Variants in IFT80 observed in about 807,000 individuals in gnomAD.
IFT80 encodes the protein intraflagellar transport protein 80 homolog.
IFT80 carries 79 observed loss-of-function variants against 107.9 expected under a neutral mutation model. The observed-to-expected ratio is 0.73, with a 90% CI of 0.61 to 0.88. IFT80 has a LOEUF of 0.88. IFT80 is among the 40% of genes least tolerant of loss of function. The pLI, the probability that IFT80 is intolerant of heterozygous loss-of-function variation, is 0.00. For missense variants in IFT80, 797 were observed against 914.2 expected, an observed-to-expected ratio of 0.87 and a Z score of 1.65; for synonymous variants, 299 against 300.9, an observed-to-expected ratio of 0.99 and a Z score of 0.07.
chr3:160,317,515 A>G (rs989412606), intron 9 of IFT80, among the ~76,000 whole-genome samples: 1 of 152,058 alleles, frequency 6.6e-6, no homozygotes, highest in Non-Finnish European at 1.5e-5. Flanking sequence ...ATTAAGGCTA[A>G]AACTTATTTT....
intron 5 of IFT80, among the ~76,000 whole-genome samples, chr3:160,371,596 C>T (rs1576884960): frequency 6.6e-6 from 1 of 152,084 alleles, no homozygotes; most frequent in African/African-American, 2.4e-5. Flanking sequence ...GGATGCACCA[C>T]TATGCCCGGC....
intron 8 of IFT80, among the ~76,000 whole-genome samples, chr3:160,320,831 C>G (rs954241093): frequency 1.3e-5 from 2 of 151,684 alleles, no homozygotes; most frequent in African/African-American, 4.8e-5. Context: ...TTATTAGCTA[C>G]AGGCTCACTT....
At chr3:160,285,747 G>GAAAAGGA in intron 13 of IFT80, 57 bp downstream of exon 13, 1 of 1,115,974 alleles carries the variant, frequency 9.0e-7, no homozygotes, top group Admixed American at 2.0e-5. Flanking sequence ...CATTAATTTT[G>GAAAAGGA]AAAAGGAAAT....
At chr3:160,335,415 T>G (rs2108324543) in intron 8 of IFT80, among the ~76,000 whole-genome samples, 1 of 151,980 alleles carries the variant, frequency 6.6e-6, no homozygotes, top group East Asian at 1.9e-4. Flanking sequence ...AGAGACGGGG[T>G]TTTGCCATGT....
At chr3:160,368,069 G>A (rs1721991630) in intron 5 of IFT80, among the ~76,000 whole-genome samples, 1 of 151,820 alleles carries the variant, frequency 6.6e-6, no homozygotes, top group African/African-American at 2.4e-5. Flanking sequence ...ACGAATCAAT[G>A]AATAAATGAA....
At chr3:160,375,779 T>C in intron 5 of IFT80, 33 bp downstream of exon 5, 2 of 1,494,532 alleles carry the variant, frequency 1.3e-6, no homozygotes, top group Non-Finnish European at 9.3e-7. Flanking sequence ...TTGTATAATT[T>C]GCAAAAATGA....
chr3:160,287,434 G>C (rs374022786), intron 12 of IFT80, among the ~76,000 whole-genome samples: 1 of 152,152 alleles, frequency 6.6e-6, no homozygotes, highest in East Asian at 1.9e-4. Flanking sequence ...TTAACTCCGG[G>C]TAGTGTAGAA....
intron 1 of IFT80, among the ~76,000 whole-genome samples, chr3:160,386,521 C>T (rs1477623296): frequency 6.6e-6 from 1 of 152,110 alleles, no homozygotes; most frequent in Non-Finnish European, 1.5e-5. Flanking sequence ...CATGTCTTTG[C>T]TACTAAAAAT....
intron 9 of IFT80, among the ~76,000 whole-genome samples, chr3:160,318,024 CAG>C (rs1717942114): frequency 6.6e-6 from 1 of 151,086 alleles, no homozygotes; most frequent in Non-Finnish European, 1.5e-5. Flanking sequence ...TATATTAAAA[CAG>C]AGTCCTTATC....
At chr3:160,394,621 C>T (rs369992444) in intron 1 of IFT80, among the ~76,000 whole-genome samples, 46 of 152,092 alleles carry the variant, frequency 3.0e-4, no homozygotes, top group African/African-American at 5.3e-4. Flanking sequence ...TGGTGGCGGG[C>T]GCCTATAATC....
chr3:160,270,838 ATTCT>A (rs1236250881), intron 18 of IFT80, among the ~76,000 whole-genome samples: 1 of 152,086 alleles, frequency 6.6e-6, no homozygotes, highest in Non-Finnish European at 1.5e-5. Context: ...TCCATCTCCC[ATTCT>A]TTCTTTATGA....
In IFT80 at chr3:160,258,478, C is replaced by T; in HGVS notation, c.*47G>A. 6.2e-7 allele frequency: 1 copy of T among 1,611,340 alleles called. No homozygotes were observed. The highest frequency in any genetic ancestry group is 1.3e-5 in the African/African-American group (1 of 74,966). On this transcript the variant is annotated 3_prime_UTR_variant, in exon 20 of 20. Coordinates refer to ENST00000326448, the MANE Select transcript of IFT80 (RefSeq NM_020800.3). ...CAAAACATGCTTACCCTTGGTTAAT[C>T]AGAACGTGTTTCAAAAGATAAAATT...
At chr3:160,308,291 G>T (rs541999684) in intron 9 of IFT80, among the ~76,000 whole-genome samples, 1 of 152,252 alleles carries the variant, frequency 6.6e-6, no homozygotes, top group African/African-American at 2.4e-5. Flanking sequence ...CCAAGCTGCA[G>T]GGAGTGGGGA....
chr3:160,344,862 T>C (rs1720172210), intron 8 of IFT80, among the ~76,000 whole-genome samples: 1 of 152,146 alleles, frequency 6.6e-6, no homozygotes, highest in Non-Finnish European at 1.5e-5. Context: ...TCATTGAGCA[T>C]CAGAGAAATG....
intron 12 of IFT80, among the ~76,000 whole-genome samples, chr3:160,296,508 T>C (rs1274426824): frequency 1.3e-5 from 2 of 151,634 alleles, no homozygotes; most frequent in Non-Finnish European, 2.9e-5. Context: ...ATCCCCACTT[T>C]CTCCTGCACC....
At chr3:160,377,851 T>G in intron 3 of IFT80, 1 of 181,180 alleles carries the variant, frequency 5.5e-6, no homozygotes, top group South Asian at 1.4e-4. Flanking sequence ...TGGGTATATG[T>G]CTATGCTTCA....
intron 12 of IFT80, among the ~76,000 whole-genome samples, chr3:160,295,156 A>G (rs1715874340): frequency 6.6e-6 from 1 of 152,244 alleles, no homozygotes; most frequent in African/African-American, 2.4e-5. Context: ...AATGCAAATC[A>G]AACCATAATG....
intron 11 of IFT80, among the ~76,000 whole-genome samples, chr3:160,302,238 A>G (rs1323260356): frequency 6.6e-6 from 1 of 152,062 alleles, no homozygotes; most frequent in African/African-American, 2.4e-5. Flanking sequence ...CAAAACAGAA[A>G]TAAATGCCAA....
intron 8 of IFT80, among the ~76,000 whole-genome samples, chr3:160,329,955 T>C (rs939600182): frequency 6.6e-6 from 1 of 152,170 alleles, no homozygotes; most frequent in African/African-American, 2.4e-5. Context: ...GACCAGACTC[T>C]CACTTTAAGA....
Sources: allele counts gnomAD v4.1 joint callset (sites outside exome capture counted in the v4.1 genomes callset), GRCh38; gene constraint gnomAD v4.1.1; transcripts MANE v1.5; gene names NCBI Gene and HGNC (gene_info 2026-07-23, HGNC 2026-07-21).